The following ARHGEF10 variants were observed in gnomAD, a reference collection of about 807,000 sequenced individuals.
ARHGEF10 encodes Rho guanine nucleotide exchange factor 10, also known as Rho guanine nucleotide exchange factor (GEF) 10.
Under a neutral mutation model 147.4 loss-of-function variants are expected in ARHGEF10, and 140 were observed. The ratio of observed to expected loss-of-function variants is 0.95; its 90% CI spans 0.83 to 1.09. The LOEUF (loss-of-function observed/expected upper bound fraction) is 1.09, where lower values mean the gene tolerates loss of function less well. Ranked by LOEUF, ARHGEF10 falls within the 50% of genes least tolerant of loss-of-function variation. The pLI is 0.00. For missense variants in ARHGEF10, 2,222 were observed against 1,752.7 expected, an observed-to-expected ratio of 1.27 and a Z score of -4.78; for synonymous variants, 902 against 695.8, an observed-to-expected ratio of 1.30 and a Z score of -4.67.
At chr8:1,874,020 C>A (rs1243973724) in intron 7 of ARHGEF10, among the ~76,000 whole-genome samples, 1 of 152,210 alleles carries the variant, frequency 6.6e-6, no homozygotes, top group South Asian at 2.1e-4. Context: ...AGATTGTCAT[C>A]GAGGACAATA....
chr8:1,888,479 CACTGAGTGGGGTAAGAAGTCTGTGGAGAT>C (rs1808992783), intron 11 of ARHGEF10, among the ~76,000 whole-genome samples: 2 of 123,394 alleles, frequency 1.6e-5, no homozygotes, highest in Non-Finnish European at 3.3e-5. Context: ...ATTGAGGAGA[CACTGAGTGGGGTAAGAAGTCTGTGGAGAT>C]ACTGAGTGGG....
At chr8:1,936,999 G>A (rs1813669571) in intron 26 of ARHGEF10, among the ~76,000 whole-genome samples, 1 of 152,236 alleles carries the variant, frequency 6.6e-6, no homozygotes, top group East Asian at 1.9e-4. Flanking sequence ...TGGGTCCTGA[G>A]CCTCCTGGAG....
In ARHGEF10 at chr8:1,928,615, T is replaced by C; in HGVS notation, c.2886T>C (p.Asp962=). 3 of 1,614,202 alleles carry C rather than the reference T, an allele frequency of 1.9e-6. No individual in the cohort carries two copies. The highest frequency in any genetic ancestry group is 2.5e-6 in the Non-Finnish European group (3 of 1,180,030). Residue 962 remains aspartate (D), a synonymous_variant, in exon 24 of 29, where the codon GAT becomes GAC. Coordinates refer to ENST00000349830, the MANE Select transcript of ARHGEF10 (RefSeq NM_014629.4). ...DPETPAVRAS[D]VPTICVGTEE... ...AGACCCCGGCCGTGAGAGCTTCTGA[T>C]GTCCCCACGATCTGTGTAGGGACGG...
chr8:1,897,469 G>A (rs890930940), intron 14 of ARHGEF10, among the ~76,000 whole-genome samples: 1 of 151,410 alleles, frequency 6.6e-6, no homozygotes, highest in African/African-American at 2.4e-5. Flanking sequence ...TGTGGGCTCT[G>A]TCCTAAGGGA....
chr8:1,894,652 G>A, intron 13 of ARHGEF10, 80 bp downstream of exon 13: 1 of 1,510,128 alleles, frequency 6.6e-7, no homozygotes, highest in South Asian at 1.1e-5. Flanking sequence ...CTGATGTTTT[G>A]CCCCTGATCT....
chr8:1,921,498 C>T (rs557434202), intron 18 of ARHGEF10, among the ~76,000 whole-genome samples: 3 of 152,282 alleles, frequency 2.0e-5, no homozygotes, highest in South Asian at 2.1e-4. Flanking sequence ...GAGGCCGAGG[C>T]GGGTGGATCA....
intron 1 of ARHGEF10, among the ~76,000 whole-genome samples, chr8:1,840,858 G>A (rs1309850194): frequency 2.6e-5 from 4 of 152,132 alleles, no homozygotes; most frequent in African/African-American, 4.8e-5. Context: ...CCCGCCTCAC[G>A]GGTGCTGCTG....
intron 23 of ARHGEF10, among the ~76,000 whole-genome samples, chr8:1,927,679 C>T (rs1812789854): frequency 6.6e-6 from 1 of 152,142 alleles, no homozygotes; most frequent in Non-Finnish European, 1.5e-5. Flanking sequence ...CTTTGGGAGG[C>T]CGAGGCGGGT....
chr8:1,862,462 G>A (rs1806211218), intron 4 of ARHGEF10, among the ~76,000 whole-genome samples: 1 of 152,246 alleles, frequency 6.6e-6, no homozygotes, highest in African/African-American at 2.4e-5. Flanking sequence ...CTCTGGGTGC[G>A]CTGCTGCTCG....
At chr8:1,826,312 T>G (rs1802764491) in intron 1 of ARHGEF10, among the ~76,000 whole-genome samples, 1 of 152,238 alleles carries the variant, frequency 6.6e-6, no homozygotes, top group Non-Finnish European at 1.5e-5. Context: ...GCCTTTCCTC[T>G]GCAGTTTGTG....
chr8:1,824,505 A>T (rs1802615616), intron 1 of ARHGEF10, among the ~76,000 whole-genome samples: 1 of 151,848 alleles, frequency 6.6e-6, no homozygotes, highest in South Asian at 2.1e-4. Context: ...CAGGATGCAG[A>T]GAAGGACCGG....
At chr8:1,905,429 G>A in intron 16 of ARHGEF10, 142 bp from the exon 17 acceptor site, 1 of 1,051,304 alleles carries the variant, frequency 9.5e-7, no homozygotes, top group Admixed American at 1.7e-5. Flanking sequence ...GTTCAGCGCA[G>A]TCACGGGGAA....
At chr8:1,909,211 C>T in intron 17 of ARHGEF10, 84 bp from the exon 18 acceptor site, 1 of 1,580,896 alleles carries the variant, frequency 6.3e-7, no homozygotes, top group Non-Finnish European at 8.7e-7. Context: ...TGGGAAGTTT[C>T]TCACTTGAAC....
chr8:1,928,299 T>C (rs1812838109), intron 23 of ARHGEF10, 128 bp from the exon 24 acceptor site: 6 of 842,274 alleles, frequency 7.1e-6, no homozygotes, highest in Admixed American at 2.2e-5. Flanking sequence ...TTTTTTTTTA[T>C]TTTTTTAAGT....
rs572276293 is a variant in ARHGEF10 at position 1,954,783 on chromosome 8, C to T, written c.3520+1956C>T. The stretch of plus-strand genomic sequence containing the variant: ...TCTTAAAGGGTACTTTTCACCTTTC[C>T]GGCTTTTGCATTTTCCTAGCTGTCC... On this transcript the variant is annotated intron_variant, in intron 28 of 28. Coordinates refer to ENST00000349830, the MANE Select transcript of ARHGEF10 (RefSeq NM_014629.4). Among the ~76,000 whole-genome samples the T allele has an allele frequency of 9.8e-5, 15 of 152,350 alleles. No homozygotes were observed. The South Asian group carries it at 2.5e-3, about 25-fold the overall frequency.
At chr8:1,884,478 T>C (rs1808489435) in intron 10 of ARHGEF10, among the ~76,000 whole-genome samples, 1 of 152,066 alleles carries the variant, frequency 6.6e-6, no homozygotes, top group Non-Finnish European at 1.5e-5. Flanking sequence ...GGACAGAATT[T>C]CGTTCTTCGT....
intron 1 of ARHGEF10, 75 bp downstream of exon 1, chr8:1,824,188 G>C (rs1049197595): frequency 6.6e-6 from 1 of 152,180 alleles, no homozygotes; most frequent in Non-Finnish European, 1.5e-5. Flanking sequence ...CTTCTGCCCG[G>C]CTCCCCCGAA....
intron 11 of ARHGEF10, among the ~76,000 whole-genome samples, chr8:1,891,507 C>T (rs555435066): frequency 4.6e-5 from 7 of 152,226 alleles, no homozygotes; most frequent in African/African-American, 1.4e-4. Context: ...CTGTCCCGTC[C>T]CCATTCCCGG....
chr8:1,835,456 C>A (rs982673846), intron 1 of ARHGEF10, among the ~76,000 whole-genome samples: 16 of 152,186 alleles, frequency 1.1e-4, no homozygotes, highest in African/African-American at 3.9e-4. Flanking sequence ...AGGCTTCAGC[C>A]CTGCCGCCCC....
Sources: gnomAD v4.1 joint callset for allele counts (sites outside exome capture counted in the v4.1 genomes callset) on GRCh38, gnomAD v4.1.1 for gene constraint, MANE v1.5 for transcripts, NCBI Gene and HGNC (gene_info 2026-07-23, HGNC 2026-07-21) for gene names.